Variants in IQCM observed in about 807,000 individuals in gnomAD.
IQCM encodes the protein IQ motif containing M.
A neutral mutation model predicts 57.6 loss-of-function variants in IQCM; 45 were observed. That is an observed-to-expected ratio of 0.78 (90% CI 0.62 to 1.00). The LOEUF (loss-of-function observed/expected upper bound fraction) is 1.00, where lower values mean the gene tolerates loss of function less well. Among genes scored for constraint, IQCM ranks in the 50% least tolerant of loss-of-function variants. The probability of loss-of-function intolerance (pLI) is 0.00; values close to 1 mark genes in which losing one functional copy is unlikely to be tolerated. For missense variants in IQCM, 468 were observed against 511.6 expected, an observed-to-expected ratio of 0.91 and a Z score of 0.82; for synonymous variants, 148 against 158.9, an observed-to-expected ratio of 0.93 and a Z score of 0.51.
chr4:149,376,517 C>T (rs1332607798), intron 13 of IQCM, among the ~76,000 whole-genome samples: 1 of 152,050 alleles, frequency 6.6e-6, no homozygotes, highest in African/African-American at 2.4e-5. Flanking sequence ...TATTAGCTTT[C>T]TCAATAAACA....
intron 13 of IQCM, among the ~76,000 whole-genome samples, chr4:149,403,766 T>C (rs78378765): frequency 0.016 from 2,414 of 152,070 alleles, 76 homozygotes; most frequent in African/African-American, 0.056. Flanking sequence ...TAAGACATCA[T>C]TTATAATGTC....
intron 12 of IQCM, among the ~76,000 whole-genome samples, chr4:149,465,728 A>T (rs955526116): frequency 6.6e-6 from 1 of 152,008 alleles, no homozygotes; most frequent in South Asian, 2.1e-4. Context: ...TTCTTCAAGA[A>T]GGAAAAAAAA....
At chr4:149,692,206 A>G (rs1381150542) in intron 5 of IQCM, among the ~76,000 whole-genome samples, 1 of 152,176 alleles carries the variant, frequency 6.6e-6, no homozygotes, top group Non-Finnish European at 1.5e-5. Context: ...TGGTGGAGCT[A>G]TAAGGTAAAC....
chr4:149,793,013 C>G (rs1289190418), intron 2 of IQCM, among the ~76,000 whole-genome samples: 1 of 152,132 alleles, frequency 6.6e-6, no homozygotes, highest in African/African-American at 2.4e-5. Context: ...TGACTGGGCA[C>G]CTGTGACTTT....
intron 7 of IQCM, among the ~76,000 whole-genome samples, chr4:149,675,255 G>T (rs1761651501): frequency 1.3e-5 from 2 of 151,962 alleles, no homozygotes; most frequent in South Asian, 4.1e-4. Flanking sequence ...CAAATCAATA[G>T]ATTACTATAA....
At chr4:149,369,030 A>T (rs1730171609) in intron 13 of IQCM, among the ~76,000 whole-genome samples, 1 of 102,990 alleles carries the variant, frequency 9.7e-6, no homozygotes, top group African/African-American at 3.6e-5. Context: ...ATATATATAT[A>T]CATGTGTATA....
At chr4:149,587,431 C>A (rs1026452757) in intron 9 of IQCM, among the ~76,000 whole-genome samples, 1 of 151,736 alleles carries the variant, frequency 6.6e-6, no homozygotes, top group African/African-American at 2.4e-5. Flanking sequence ...TTCAATCTCA[C>A]GCTCTAATCT....
intron 7 of IQCM, among the ~76,000 whole-genome samples, chr4:149,643,655 G>A (rs75848409): frequency 0.016 from 2,425 of 152,262 alleles, 72 homozygotes; most frequent in South Asian, 0.14. Context: ...CCAAACAGGA[G>A]GGTGTAAGTG....
intron 8 of IQCM, among the ~76,000 whole-genome samples, chr4:149,608,185 G>T (rs1754968301): frequency 6.6e-6 from 1 of 151,884 alleles, no homozygotes; most frequent in South Asian, 2.1e-4. Context: ...TTATATAATG[G>T]TAGAGGAGAC....
At chr4:149,812,668 G>C (rs920840803) in intron 2 of IQCM, among the ~76,000 whole-genome samples, 1 of 151,964 alleles carries the variant, frequency 6.6e-6, no homozygotes, top group African/African-American at 2.4e-5. Flanking sequence ...TAATAAATTA[G>C]GTTTGACGTG....
In IQCM at chr4:149,813,643, C is replaced by T. The variant is rs1417874175; in HGVS notation, c.-49+1668G>A. Among the ~76,000 whole-genome samples the T allele has an allele frequency of 2.6e-5, 4 of 152,090 alleles. No homozygotes were observed. The East Asian group carries it at 7.7e-4, about 29-fold the overall frequency. On this transcript the variant is annotated intron_variant, in intron 2 of 13. Transcript: ENST00000636793. ...AAGCTATCTGAGAAGTAATTAGATA[C>T]CTATATGTCTTCCCCTACTCCACTT... is the stretch of plus-strand genomic sequence containing the variant.
Position 149,766,025 on chromosome 4 carries a change from T to C in IQCM, c.-48-23286A>G, listed in dbSNP as rs559952507. ...CTTAAAAATCCTAGCCTCTGAGTTCTCAGGGAGGTGAATTTGAGAAATATC... is the reference window on the plus strand; with the variant it reads ...CTTAAAAATCCTAGCCTCTGAGTTCCCAGGGAGGTGAATTTGAGAAATATC... On this transcript the variant is annotated intron_variant, in intron 2 of 13. Transcript: ENST00000636793. Among the ~76,000 whole-genome samples the C allele has an allele frequency of 3.9e-4, 60 of 152,240 alleles. 1 individual carries two copies. The South Asian group carries it at 0.012, about 29-fold the overall frequency.
chr4:149,570,076 G>C (rs927952921), intron 9 of IQCM, among the ~76,000 whole-genome samples: 20 of 151,796 alleles, frequency 1.3e-4, no homozygotes, highest in Non-Finnish European at 2.7e-4. Flanking sequence ...TATATAATAA[G>C]TTAATAAATC....
At chr4:149,442,621 T>C (rs959190461) in intron 12 of IQCM, among the ~76,000 whole-genome samples, 1 of 152,056 alleles carries the variant, frequency 6.6e-6, no homozygotes, top group Non-Finnish European at 1.5e-5. Context: ...TCATTTCCTC[T>C]TGGGCTCTCA....
chr4:149,667,335 G>A (rs1010136464), intron 7 of IQCM, among the ~76,000 whole-genome samples: 2 of 152,050 alleles, frequency 1.3e-5, no homozygotes, highest in African/African-American at 4.8e-5. Flanking sequence ...TGCAGAAGAG[G>A]GGCCTGACTG....
At position 149,772,432 on chromosome 4, in the gene IQCM, T is replaced by C. The variant is rs186875789; in HGVS notation, c.-48-29693A>G. On this transcript the variant is annotated intron_variant, in intron 2 of 13. Coordinates refer to ENST00000636793, the MANE Select transcript of IQCM (RefSeq NM_001363507.2). ...TACACGCACCCCCCATTCAGAAAAATAGAAATGTGCAAAATGATGAATGGT... is the reference window on the plus strand; with the variant it reads ...TACACGCACCCCCCATTCAGAAAAACAGAAATGTGCAAAATGATGAATGGT... Among the ~76,000 whole-genome samples the C allele has an allele frequency of 9.9e-5, 15 of 152,180 alleles. No homozygotes were observed. In the East Asian group the frequency reaches 1.9e-3, roughly 20 times the overall value.
chr4:149,734,025 A>C (rs1201760850), intron 4 of IQCM, among the ~76,000 whole-genome samples: 1 of 152,134 alleles, frequency 6.6e-6, no homozygotes, highest in Non-Finnish European at 1.5e-5. Context: ...CATATCCTTT[A>C]ATCATAATTG....
chr4:149,803,208 T>C (rs546701053), intron 2 of IQCM, among the ~76,000 whole-genome samples: 1 of 152,044 alleles, frequency 6.6e-6, no homozygotes, highest in East Asian at 1.9e-4. Context: ...AAGAAAAAAA[T>C]CCTTCCATAA....
At position 149,397,980 on chromosome 4, in the gene IQCM, T is replaced by C. The variant is rs558461247; in HGVS notation, c.1390+35416A>G. 2.0e-5 allele frequency among the ~76,000 whole-genome samples: 3 copies of C among 152,200 alleles called. No homozygotes were observed. In the East Asian group the frequency reaches 5.8e-4, roughly 30 times the overall value. The stretch of plus-strand genomic sequence containing the variant: ...GCTTGTACTTTTTGTGTCGTACCTA[T>C]GATATTATTGCCAAGATAATGTCAC... On this transcript the variant is annotated intron_variant, in intron 13 of 13. Transcript: ENST00000636793.
Sources: gnomAD v4.1 joint callset for allele counts (sites outside exome capture counted in the v4.1 genomes callset) on GRCh38, gnomAD v4.1.1 for gene constraint, MANE v1.5 for transcripts, NCBI Gene and HGNC (gene_info 2026-07-23, HGNC 2026-07-21) for gene names.